WDR18: variants seen among roughly 807,000 people sequenced by gnomAD.
WDR18 encodes WD repeat-containing protein 18.
Under a neutral mutation model 49.6 loss-of-function variants are expected in WDR18, and 33 were observed. The observed-to-expected ratio is 0.67, with a 90% CI of 0.50 to 0.89. The LOEUF (loss-of-function observed/expected upper bound fraction) is 0.89, where lower values mean the gene tolerates loss of function less well. Among genes scored for constraint, WDR18 ranks in the 40% least tolerant of loss-of-function variants. The probability of loss-of-function intolerance (pLI) is 0.00; values close to 1 mark genes in which losing one functional copy is unlikely to be tolerated. For missense variants in WDR18, 653 were observed against 593.6 expected (o/e 1.10, Z -1.04); for synonymous variants, 315 against 263.6 (o/e 1.19, Z -1.89).
At chr19:991,406 G>A in intron 7 of WDR18, 55 bp downstream of exon 7, 1 of 1,454,756 alleles carries the variant, frequency 6.9e-7, no homozygotes, top group Non-Finnish European at 9.1e-7. Flanking sequence ...AAGCCAGCAG[G>A]AGCTCCGGGC....
chr19:993,869 C>T (rs7245515), intron 8 of WDR18, 151 bp from the exon 9 acceptor site: 216,336 of 826,360 alleles, frequency 0.26, 29,639 homozygotes, highest in Middle Eastern at 0.39. Context: ...CGGAGGTGAA[C>T]GCCCCCGTCT....
chr19:984,896 T>G (rs1181222676), intron 1 of WDR18, among the ~76,000 whole-genome samples: 1 of 152,046 alleles, frequency 6.6e-6, no homozygotes, highest in Non-Finnish European at 1.5e-5. Context: ...CTATGAGCTC[T>G]GTGGATGTTG....
At position 989,829 on chromosome 19, in the gene WDR18, C is replaced by T. The variant is rs866846057; in HGVS notation, c.389C>T (p.Thr130Ile). The stretch of plus-strand genomic sequence containing the variant: ...CAGGACGTCTCCTGCCTTCAGTTCA[C>T]AGGGGACAGCAGCCACTTCATCTCA... ...HYQDVSCLQF[T>I]GDSSHFISGG... The change falls in exon 3 of 10, where the codon ACA becomes ATA. Residue 130 changes from threonine to isoleucine, a missense_variant. Physicochemically the swap from Thr to Ile is moderately conservative, Grantham distance 89. Coordinates refer to ENST00000585809, the MANE Select transcript of WDR18 (RefSeq NM_024100.4). The T allele has an allele frequency of 6.2e-7, 1 of 1,612,730 alleles. No homozygotes were observed. Among genetic ancestry groups the T allele is most frequent in the African/African-American group, 1.3e-5 (1 of 75,048 alleles).
chr19:987,348 A>G (rs925143454), intron 2 of WDR18, among the ~76,000 whole-genome samples: 2 of 152,138 alleles, frequency 1.3e-5, no homozygotes, highest in Non-Finnish European at 2.9e-5. Flanking sequence ...GTCTCCAAAG[A>G]AAAGGGGGGT....
chr19:984,560 G>C lies in WDR18; in HGVS notation c.207G>C (p.Arg69=). The change falls in exon 1 of 10, where the codon CGG becomes CGC. Residue 69 remains arginine, a synonymous_variant. Transcript: ENST00000585809. The part of the protein sequence containing the change: ...KNYISAWELQ[R]KDQLQQKIMC... ...ACATCAGCGCCTGGGAGCTCCAGCG[G>C]AAGGTGCGGCGGTGCGGTCTCGCTG... The C allele has an allele frequency of 6.8e-7, 1 of 1,477,582 alleles. No individual in the cohort carries two copies. Among genetic ancestry groups the C allele is most frequent in the African/African-American group, 1.5e-5 (1 of 68,900 alleles). 91.5% of individuals were successfully genotyped at this position (1,477,582 alleles called of 1,614,324 possible).
intron 8 of WDR18, among the ~76,000 whole-genome samples, chr19:992,972 C>T: frequency 6.6e-6 from 1 of 152,246 alleles, no homozygotes; most frequent in East Asian, 1.9e-4. Flanking sequence ...CTGACAGGCC[C>T]TGCACCAGGA....
intron 3 of WDR18, 60 bp from the exon 4 acceptor site, chr19:990,163 C>T (rs924338355): frequency 5.9e-6 from 9 of 1,516,968 alleles, no homozygotes; most frequent in South Asian, 2.5e-5. Flanking sequence ...GTGCTGGAGG[C>T]GTGGACTGCC....
rs1233460325 is a variant in WDR18 at position 994,288 on chromosome 19, A to G, written c.1243A>G (p.Ile415Val). The G allele has an allele frequency of 1.9e-6, 3 of 1,610,960 alleles. No homozygotes were observed. In the African/African-American group the frequency reaches 4.0e-5, roughly 21 times the overall value. Residue 415 changes from isoleucine to valine, a missense_variant, in exon 10 of 10, where the codon ATC becomes GTC. Transcript: ENST00000585809. ...GGACGAGGTGCGCAACCTGCGCAAG[A>G]TCAATCGGGACCTGTTCGACTTCTC... ...LEDEVRNLRKINRDLFDFSTR... is the reference protein window; with the variant it reads ...LEDEVRNLRKVNRDLFDFSTR...
chr19:993,864 G>A (rs1350042318), intron 8 of WDR18, 156 bp from the exon 9 acceptor site: 4 of 813,974 alleles, frequency 4.9e-6, no homozygotes, highest in East Asian at 2.7e-5. Context: ...CTCGACGGAG[G>A]TGAACGCCCC....
chr19:993,498 A>G (rs2038587540), intron 8 of WDR18, among the ~76,000 whole-genome samples: 1 of 152,188 alleles, frequency 6.6e-6, no homozygotes. Context: ...GGCCTGTCCC[A>G]CAGACAGGCG....
At chr19:983,447 A>G (rs114824303), upstream of WDR18, among the ~76,000 whole-genome samples, 12,113 of 151,852 alleles carry the variant, frequency 0.08, 593 homozygotes, top group South Asian at 0.14. Flanking sequence ...CTTTTTGTAA[A>G]GACGGGGTTT....
At chr19:989,976 G>A (rs2038522421) in intron 3 of WDR18, 81 bp downstream of exon 3, 12 of 1,519,866 alleles carry the variant, frequency 7.9e-6, no homozygotes, top group South Asian at 6.5e-5. Context: ...GGCCCCTGGC[G>A]GGAAGGGGCT....
intron 8 of WDR18, among the ~76,000 whole-genome samples, 161 bp from the exon 9 acceptor site, chr19:993,859 C>T (rs775661946): frequency 1.1e-4 from 16 of 152,202 alleles, no homozygotes; most frequent in South Asian, 4.1e-4. Context: ...GCAGGCTCGA[C>T]GGAGGTGAAC....
Position 990,950 on chromosome 19 carries a change from C to T in WDR18, c.696C>T (p.Cys232=). Residue 232 remains cysteine (C), a synonymous_variant, in exon 5 of 10, where the codon TGC becomes TGT. Transcript: ENST00000585809. ...ACCTGGCTGAGCACCATATGTTCTG[C>T]GGGGGCAGTGAGGGCTCCATCTTCC... ...TMDLAEHHMF[C]GGSEGSIFQV... 4.3e-6 allele frequency: 7 copies of T among 1,612,304 alleles called. No homozygotes were observed. The highest frequency in any genetic ancestry group is 1.7e-5 in the Admixed American group (1 of 59,940).
At chr19:984,616 C>CG in intron 1 of WDR18, 53 bp downstream of exon 1, 1 of 1,366,790 alleles carries the variant, frequency 7.3e-7, no homozygotes, top group Non-Finnish European at 9.4e-7. Context: ...AGGCTGAAGT[C>CG]GGGGGATGGG....
At position 994,264 on chromosome 19, in the gene WDR18, G is replaced by A. The variant is rs771857922; in HGVS notation, c.1219G>A (p.Asp407Asn). The A allele has an allele frequency of 4.2e-5, 67 of 1,609,478 alleles. No individual in the cohort carries two copies. Among genetic ancestry groups the A allele is most frequent in the Non-Finnish European group, 5.2e-5 (61 of 1,178,848 alleles). Residue 407 changes from aspartate to asparagine, a missense_variant, in exon 10 of 10, where the codon GAC (aspartate) becomes AAC (asparagine). Transcript: ENST00000585809. ...QLRVRVTELE[D>N]EVRNLRKINR... ...GCGCGTCCGTGTGACGGAGCTGGAG[G>A]ACGAGGTGCGCAACCTGCGCAAGAT...
chr19:991,275 C>A lies in WDR18; in HGVS notation c.855C>A (p.Leu285=). Residue 285 remains leucine, a synonymous_variant, in exon 7 of 10, where the codon CTC becomes CTA. Transcript: ENST00000585809. The part of the protein sequence containing the change: ...LSVSTDGSVL[L]SGSHDETVRL... ...TGTCCACTGACGGCAGCGTGCTGCT[C>A]TCAGGCTCCCACGACGAGACCGTGC... 6.4e-7 allele frequency: 1 copy of A among 1,570,130 alleles called. No individual in the cohort carries two copies. Among genetic ancestry groups the A allele is most frequent in the Non-Finnish European group, 8.6e-7 (1 of 1,156,686 alleles).
In WDR18 at chr19:993,296, G is replaced by A. The variant is rs560446315; in HGVS notation, c.1099-724G>A. ...CTCCTAGGGCAGCAGCGGTTCCCAC[G>A]ATTCCTGCCCAGCCAAGCGCTCTCC... is the stretch of plus-strand genomic sequence containing the variant. On this transcript the variant is annotated intron_variant, in intron 8 of 9. Coordinates refer to ENST00000585809, the MANE Select transcript of WDR18 (RefSeq NM_024100.4). 2.6e-5 allele frequency among the ~76,000 whole-genome samples: 4 copies of A among 152,364 alleles called. No individual in the cohort carries two copies. In the East Asian group the frequency reaches 5.8e-4, roughly 22 times the overall value.
Position 992,069 on chromosome 19 carries a change from G to A in WDR18, c.1046G>A (p.Gly349Glu), listed in dbSNP as rs749783693. The change falls in exon 8 of 10, where the codon GGG becomes GAG. Residue 349 changes from glycine (G) to glutamate (E), a missense_variant. Physicochemically the swap from Gly to Glu is moderately conservative, Grantham distance 98. Transcript: ENST00000585809. Reference sequence around the variant, plus strand: ...AAGCACCTGCTGGGCGCCGAGCACGGGGACGAGCCGCGCCACGGGGGCCTC... The same window carrying A: ...AAGCACCTGCTGGGCGCCGAGCACGAGGACGAGCCGCGCCACGGGGGCCTC... ...FNKHLLGAEH[G>E]DEPRHGGLTL... is the part of the protein sequence containing the mutation. 6.4e-7 allele frequency: 1 copy of A among 1,564,112 alleles called. No homozygotes were observed. Among genetic ancestry groups the A allele is most frequent in the Non-Finnish European group, 8.6e-7 (1 of 1,160,186 alleles).
Sources: gnomAD v4.1 joint callset for allele counts (sites outside exome capture counted in the v4.1 genomes callset) on GRCh38, gnomAD v4.1.1 for gene constraint, MANE v1.5 for transcripts, NCBI Gene and HGNC (gene_info 2026-07-23, HGNC 2026-07-21) for gene names.